The following ARHGEF10L variants were observed in gnomAD, a reference collection of about 807,000 sequenced individuals.
ARHGEF10L encodes Rho guanine nucleotide exchange factor 10 like.
A neutral mutation model predicts 141.2 loss-of-function variants in ARHGEF10L; 69 were observed. The ratio of observed to expected loss-of-function variants is 0.49; its 90% confidence interval spans 0.40 to 0.60. ARHGEF10L has a LOEUF of 0.60. ARHGEF10L is among the 20% of genes least tolerant of loss of function. The pLI, the probability that ARHGEF10L is intolerant of heterozygous loss-of-function variation, is 0.00. For missense variants in ARHGEF10L, 1,482 were observed against 1,734.3 expected, an observed-to-expected ratio of 0.85 and a Z score of 2.58; for synonymous variants, 711 against 718.5, an observed-to-expected ratio of 0.99 and a Z score of 0.17.
intron 27 of ARHGEF10L, among the ~76,000 whole-genome samples, chr1:17,692,736 C>T (rs1462224732): frequency 1.3e-5 from 2 of 152,246 alleles, no homozygotes; most frequent in Non-Finnish European, 2.9e-5. Context: ...CCTGCCTAGG[C>T]CTTCCGGTAG....
the ARHGEF10L span, among the ~76,000 whole-genome samples, chr1:17,515,453 C>T: frequency 6.6e-6 from 1 of 151,858 alleles, no homozygotes; most frequent in South Asian, 2.1e-4. Context: ...GCCACCATGC[C>T]TGGCTAATTT....
chr1:17,658,216 C>A (rs2062396925), intron 25 of ARHGEF10L, among the ~76,000 whole-genome samples: 1 of 152,192 alleles, frequency 6.6e-6, no homozygotes, highest in African/African-American at 2.4e-5. Flanking sequence ...CCAGTATGAA[C>A]TCATCTTAAC....
At chr1:17,584,045 TTTTG>T (rs2078814295) in intron 2 of ARHGEF10L, among the ~76,000 whole-genome samples, 3 of 151,694 alleles carry the variant, frequency 2.0e-5, no homozygotes, top group Admixed American at 2.0e-4. Flanking sequence ...AAATTTTTAC[TTTTG>T]TTTATTTTTT....
intron 20 of ARHGEF10L, 108 bp from the exon 21 acceptor site, chr1:17,640,091 ACCT>A: frequency 6.7e-7 from 1 of 1,499,970 alleles, no homozygotes; most frequent in Non-Finnish European, 8.9e-7. Flanking sequence ...CTCTGACCAG[ACCT>A]CCTTGATCTC....
At chr1:17,626,179 C>T (rs899358465) in intron 14 of ARHGEF10L, 131 bp downstream of exon 14, 20 of 683,260 alleles carry the variant, frequency 2.9e-5, no homozygotes, top group Non-Finnish European at 4.7e-5. Flanking sequence ...TGCTGTGGGA[C>T]TCTGGCCTCA....
Position 17,639,724 on chromosome 1 carries a change from A to T in ARHGEF10L, c.2172-478A>T. 4 of 683,496 alleles carry T rather than the reference A, an allele frequency of 5.9e-6. No individual in the cohort carries two copies. Among genetic ancestry groups the T allele is most frequent in the Non-Finnish European group, 4.6e-6 (2 of 438,674 alleles). The allele number at this position is 683,496 out of a possible 1,614,324, so 42.3% of individuals were successfully genotyped here. The stretch of plus-strand genomic sequence containing the variant: ...CCCAAGCTGGTGCTTAACCTGATTC[A>T]TTCATTTCTTCATTCATTCCTGTGT... On this transcript the variant is annotated intron_variant, in intron 20 of 28. Transcript: ENST00000361221. This position sits in a 1 kb window ranked among gnomAD's most constrained non-coding sequence, Gnocchi z 4.3.
intron 22 of ARHGEF10L, 33 bp downstream of exon 22, chr1:17,648,708 G>A (rs753884488): frequency 2.2e-5 from 35 of 1,600,984 alleles, no homozygotes; most frequent in Admixed American, 1.0e-4. Context: ...AGCCGACCTC[G>A]AAGGTGGCTG....
At chr1:17,636,535 G>C (rs1422393049) in intron 18 of ARHGEF10L, among the ~76,000 whole-genome samples, 1 of 152,172 alleles carries the variant, frequency 6.6e-6, no homozygotes, top group Non-Finnish European at 1.5e-5. Flanking sequence ...CCCTGGTAGA[G>C]CAGGTTCCTC....
At chr1:17,580,878 G>A (rs2078485460) in intron 2 of ARHGEF10L, among the ~76,000 whole-genome samples, 2 of 152,186 alleles carry the variant, frequency 1.3e-5, no homozygotes, top group Admixed American at 6.5e-5. Context: ...GAGATCCGCC[G>A]GAGAGGTGAA....
the ARHGEF10L span, among the ~76,000 whole-genome samples, chr1:17,527,556 T>C: frequency 2.6e-5 from 4 of 152,166 alleles, no homozygotes; most frequent in African/African-American, 4.8e-5. Context: ...TCCAGAGACC[T>C]GTAGTTTGGG....
upstream of ARHGEF10L, among the ~76,000 whole-genome samples, chr1:17,535,200 G>C (rs532420959): frequency 9.2e-5 from 14 of 152,138 alleles, no homozygotes; most frequent in Admixed American, 1.3e-4. Flanking sequence ...CATAAGGGGC[G>C]CGCAGTCTAG....
intron 22 of ARHGEF10L, among the ~76,000 whole-genome samples, chr1:17,649,793 A>C (rs1001301870): frequency 6.6e-6 from 1 of 152,184 alleles, no homozygotes; most frequent in Non-Finnish European, 1.5e-5. Context: ...GGTGGCATTT[A>C]AACTGAGAAC....
intron 2 of ARHGEF10L, among the ~76,000 whole-genome samples, chr1:17,581,965 C>G (rs952987919): frequency 6.6e-6 from 1 of 152,056 alleles, no homozygotes; most frequent in Admixed American, 6.6e-5. Flanking sequence ...CTCCTGGACT[C>G]GCTTGTATTT....
intron 25 of ARHGEF10L, among the ~76,000 whole-genome samples, chr1:17,662,183 A>G (rs2062672599): frequency 6.6e-6 from 1 of 152,116 alleles, no homozygotes; most frequent in African/African-American, 2.4e-5. Flanking sequence ...ATGAACAGGG[A>G]TAATAATAGT....
intron 2 of ARHGEF10L, 55 bp from the exon 3 acceptor site, chr1:17,587,405 C>A: frequency 6.4e-7 from 1 of 1,565,648 alleles, no homozygotes; most frequent in South Asian, 1.2e-5. Flanking sequence ...AGCCATCTCT[C>A]CATTGACCAA....
chr1:17,632,175 C>G, intron 15 of ARHGEF10L, 146 bp from the exon 16 acceptor site: 1 of 1,009,862 alleles, frequency 9.9e-7, no homozygotes. Context: ...CATCTTGTCA[C>G]CCAGGGATGG....
chr1:17,516,143 G>C, the ARHGEF10L span, among the ~76,000 whole-genome samples: 1 of 152,264 alleles, frequency 6.6e-6, no homozygotes, highest in Non-Finnish European at 1.5e-5. Context: ...CCGGTTGCCC[G>C]GCAGCCTTGC....
chr1:17,615,982 G>C lies in ARHGEF10L; in HGVS notation c.727-112G>C. On this transcript the variant is annotated intron_variant, in intron 8 of 28. Transcript: ENST00000361221. This position sits in a 1 kb window ranked among gnomAD's most constrained non-coding sequence, Gnocchi z 4.7. Reference sequence around the variant, plus strand: ...CTTTGCTCACGGACCTGGGAGGGAAGGGTCTGGGTGGTTCTGATCTCTGCA... The same window carrying C: ...CTTTGCTCACGGACCTGGGAGGGAACGGTCTGGGTGGTTCTGATCTCTGCA... 2 of 816,514 alleles carry C rather than the reference G, an allele frequency of 2.4e-6. No individual in the cohort carries two copies. Among genetic ancestry groups the C allele is most frequent in the South Asian group, 3.1e-5 (2 of 64,094 alleles). The allele number at this position is 816,514 out of a possible 1,614,324, so 50.6% of individuals were successfully genotyped here.
chr1:17,559,345 G>A (rs538391751), intron 1 of ARHGEF10L, among the ~76,000 whole-genome samples: 4 of 152,226 alleles, frequency 2.6e-5, no homozygotes, highest in African/African-American at 9.6e-5. Flanking sequence ...CTGTCACAGG[G>A]GCGGGACACT....
Sources: allele counts gnomAD v4.1 joint callset (sites outside exome capture counted in the v4.1 genomes callset), GRCh38; gene constraint gnomAD v4.1.1; non-coding constraint Gnocchi (gnomAD v3.1); transcripts MANE v1.5; gene names NCBI Gene and HGNC (gene_info 2026-07-23, HGNC 2026-07-21).